The following GABRA2 variants were observed in gnomAD, a reference collection of about 807,000 sequenced individuals.
GABRA2 encodes gamma-aminobutyric acid type A receptor subunit alpha2.
Under a neutral mutation model 48.7 loss-of-function variants are expected in GABRA2, and 16 were observed. That is an observed-to-expected ratio of 0.33 (90% CI 0.22 to 0.50). GABRA2 has a LOEUF of 0.50. GABRA2 is among the 20% of genes least tolerant of loss of function. The pLI, the probability that GABRA2 is intolerant of heterozygous loss-of-function variation, is 0.98. For synonymous variants in GABRA2, 185 were observed against 184.5 expected, an observed-to-expected ratio of 1.00 and a Z score of -0.02; for missense variants, 275 against 535.6, an observed-to-expected ratio of 0.51 and a Z score of 4.80.
At chr4:46,305,353 T>A (rs1285015353) in intron 7 of GABRA2, among the ~76,000 whole-genome samples, 1 of 151,314 alleles carries the variant, frequency 6.6e-6, no homozygotes, top group African/African-American at 2.4e-5. Context: ...ACATGGCACA[T>A]GTATACATAT....
chr4:46,364,899 T>A (rs911276929), intron 3 of GABRA2: 3 of 152,172 alleles, frequency 2.0e-5, no homozygotes, highest in Non-Finnish European at 4.4e-5. Flanking sequence ...GTAAAACATG[T>A]GACAAGAAAT....
At chr4:46,299,484 T>A (rs934564283) in intron 8 of GABRA2, among the ~76,000 whole-genome samples, 1 of 151,884 alleles carries the variant, frequency 6.6e-6, no homozygotes, top group African/African-American at 2.4e-5. Flanking sequence ...ACCATTTGAA[T>A]CATGTTTATA....
chr4:46,261,636 C>T, intron 9 of GABRA2: 1 of 488,412 alleles, frequency 2.0e-6, no homozygotes, highest in Non-Finnish European at 3.6e-6. Context: ...AGAAGGCAGT[C>T]TAGTCATAAG....
At chr4:46,385,372 C>T (rs1010813130) in intron 3 of GABRA2, among the ~76,000 whole-genome samples, 2 of 151,298 alleles carry the variant, frequency 1.3e-5, no homozygotes, top group African/African-American at 2.4e-5. Context: ...ATTAGCCAAG[C>T]CAAATTTTCT....
In GABRA2 at chr4:46,250,228, A is replaced by G. The variant is rs199685333; in HGVS notation, c.*80T>C. 2 of 1,150,080 alleles carry G rather than the reference A, an allele frequency of 1.7e-6. No individual in the cohort carries two copies. The highest frequency in any genetic ancestry group is 2.1e-5 in the Admixed American group (1 of 47,926). The allele number at this position is 1,150,080 out of a possible 1,614,324, so 71.2% of individuals were successfully genotyped here. On this transcript the variant is annotated 3_prime_UTR_variant, in exon 10 of 10. Transcript: ENST00000381620. ...TGTACATGTTGGATCACAAATTAGC[A>G]GTTATTAGTCAGACTGTACATAGCA...
chr4:46,274,405 C>A (rs1029052104), intron 8 of GABRA2, among the ~76,000 whole-genome samples: 1 of 152,068 alleles, frequency 6.6e-6, no homozygotes, highest in East Asian at 1.9e-4. Flanking sequence ...TATAATTAAT[C>A]TAACCCTTGC....
Position 46,317,789 on chromosome 4 carries a change from C to CA in GABRA2, c.256-5074dup, listed in dbSNP as rs534689270. Reference sequence around the variant, plus strand: ...AAACAAATAAACTCTAAAAAAAATTCAAAAAAAAATTTATAATTATCAGTG... The same window carrying CA: ...AAACAAATAAACTCTAAAAAAAATTCAAAAAAAAAATTTATAATTATCAGTG... On this transcript the variant is annotated intron_variant, in intron 4 of 9. Coordinates refer to ENST00000381620, the MANE Select transcript of GABRA2 (RefSeq NM_000807.4). 6.5e-4 allele frequency among the ~76,000 whole-genome samples: 97 copies of CA among 150,376 alleles called. 1 individual carries two copies. Among genetic ancestry groups the CA allele is most frequent in the Middle Eastern group, 3.4e-3 (1 of 294 alleles).
At chr4:46,328,447 G>A (rs142193407) in intron 4 of GABRA2, among the ~76,000 whole-genome samples, 42 of 150,968 alleles carry the variant, frequency 2.8e-4, no homozygotes, top group African/African-American at 9.9e-4. Context: ...GCTACTGACC[G>A]TGCACACTGA....
At chr4:46,368,293 G>C (rs1714359932) in intron 3 of GABRA2, 1 of 152,094 alleles carries the variant, frequency 6.6e-6, no homozygotes, top group Admixed American at 6.6e-5. Flanking sequence ...CAGAACAATG[G>C]GGGACAGAGG....
At chr4:46,328,559 A>T (rs555952533) in intron 4 of GABRA2, among the ~76,000 whole-genome samples, 2 of 152,158 alleles carry the variant, frequency 1.3e-5, no homozygotes, top group South Asian at 4.1e-4. Flanking sequence ...TATTCATTAG[A>T]TATCTCCACA....
chr4:46,320,443 C>A (rs11931406), intron 4 of GABRA2, among the ~76,000 whole-genome samples: 7,720 of 151,810 alleles, frequency 0.051, 664 homozygotes, highest in African/African-American at 0.18. Context: ...CGACATACAT[C>A]AAACTAGAAA....
chr4:46,285,776 T>A (rs1023164966), intron 8 of GABRA2, among the ~76,000 whole-genome samples: 2 of 152,050 alleles, frequency 1.3e-5, no homozygotes, highest in African/African-American at 4.8e-5. Flanking sequence ...TGTTTTTTTT[T>A]AAGTCATCTG....
intron 3 of GABRA2, among the ~76,000 whole-genome samples, chr4:46,343,685 A>G (rs1733674506): frequency 6.6e-6 from 1 of 152,028 alleles, no homozygotes; most frequent in South Asian, 2.1e-4. Context: ...TTTGATCTGT[A>G]TAATATGTAT....
intron 3 of GABRA2, among the ~76,000 whole-genome samples, chr4:46,380,079 C>T (rs1205653871): frequency 6.6e-6 from 1 of 152,142 alleles, no homozygotes; most frequent in African/African-American, 2.4e-5. Flanking sequence ...TGGTACATCC[C>T]AGCTTAGGGT....
chr4:46,376,732 GTCTCCCTCTCCCTCTCCC>G (rs148907326), intron 3 of GABRA2, among the ~76,000 whole-genome samples: 15 of 145,746 alleles, frequency 1.0e-4, no homozygotes, highest in Admixed American at 4.1e-4. Context: ...TTTAAAAATT[GTCTCCCTCTCCCTCTCCC>G]TCTCCCTCTC....
intron 3 of GABRA2, among the ~76,000 whole-genome samples, chr4:46,338,462 C>T (rs780205643): frequency 5.3e-5 from 8 of 151,878 alleles, no homozygotes; most frequent in Non-Finnish European, 1.2e-4. Context: ...ATTAGCCAAT[C>T]TTCAATAATT....
intron 4 of GABRA2, among the ~76,000 whole-genome samples, chr4:46,317,658 C>T (rs918032947): frequency 6.6e-6 from 1 of 150,910 alleles, no homozygotes; most frequent in Non-Finnish European, 1.5e-5. Context: ...GATAAAACAC[C>T]ATGGAAGAAA....
chr4:46,339,664 T>A (rs779912879), intron 3 of GABRA2, among the ~76,000 whole-genome samples: 2 of 151,848 alleles, frequency 1.3e-5, no homozygotes, highest in Non-Finnish European at 2.9e-5. Context: ...TGGAAACATT[T>A]TCTTCACTTC....
intron 4 of GABRA2, among the ~76,000 whole-genome samples, chr4:46,320,193 G>C (rs1293398492): frequency 6.6e-6 from 1 of 151,682 alleles, no homozygotes; most frequent in Non-Finnish European, 1.5e-5. Context: ...TCTGAAAGGG[G>C]TATTTTCTTC....
Sources: gnomAD v4.1 joint callset for allele counts (sites outside exome capture counted in the v4.1 genomes callset) on GRCh38, gnomAD v4.1.1 for gene constraint, MANE v1.5 for transcripts, NCBI Gene and HGNC (gene_info 2026-07-23, HGNC 2026-07-21) for gene names.